Variants in UST observed in about 807,000 individuals in gnomAD.
The protein encoded by UST is chondroitin sulfate 2-O-sulfotransferase.
Under a neutral mutation model 45.6 loss-of-function variants are expected in UST, and 21 were observed. That is an observed-to-expected ratio of 0.46 (90% confidence interval 0.33 to 0.66). The LOEUF is 0.66. Ranked by LOEUF, UST falls within the 30% of genes least tolerant of loss-of-function variation. The probability of loss-of-function intolerance (pLI) is 0.02; values close to 1 mark genes in which losing one functional copy is unlikely to be tolerated. For missense variants in UST, 463 were observed against 512.4 expected (o/e 0.90, Z 0.93); for synonymous variants, 215 against 200.6 (o/e 1.07, Z -0.61).
chr6:148,862,642 T>C (rs923596524), intron 1 of UST, among the ~76,000 whole-genome samples: 15 of 152,358 alleles, frequency 9.8e-5, no homozygotes, highest in African/African-American at 3.6e-4. Context: ...GTACTGGTTG[T>C]TCCTTTCCAT....
chr6:148,936,524 G>A (rs887076882), intron 2 of UST, among the ~76,000 whole-genome samples: 7 of 144,390 alleles, frequency 4.8e-5, no homozygotes, highest in Admixed American at 1.4e-4. Context: ...GGGTTTACAT[G>A]TCACAGAACC....
intron 1 of UST, among the ~76,000 whole-genome samples, chr6:148,860,887 AT>A (rs1778299942): frequency 6.6e-6 from 1 of 152,130 alleles, no homozygotes; most frequent in South Asian, 2.1e-4. Context: ...GTGCTGTTGG[AT>A]TTGGTTTGCC....
At chr6:148,944,580 A>G (rs570977476) in intron 3 of UST, among the ~76,000 whole-genome samples, 19 of 152,092 alleles carry the variant, frequency 1.2e-4, no homozygotes, top group African/African-American at 4.6e-4. Flanking sequence ...TAAATGGAAC[A>G]AGACACTGAA....
At position 148,953,946 on chromosome 6, in the gene UST, C is replaced by T; in HGVS notation, c.522C>T (p.Phe174=). Residue 174 remains phenylalanine (F), a synonymous_variant, in exon 4 of 8, where the codon TTC becomes TTT. Transcript: ENST00000367463. The stretch of plus-strand genomic sequence containing the variant: ...CTCGACATGTTCATTTCCTCAACTT[C>T]TCAAGGTAAGACATTTTCCAGTTTA... ...LFTRHVHFLN[F]SRFGGDQPVY... is the part of the protein sequence containing the mutation. 1 of 1,604,784 alleles carries T rather than the reference C, an allele frequency of 6.2e-7. No homozygotes were observed. The highest frequency in any genetic ancestry group is 8.5e-7 in the Non-Finnish European group (1 of 1,175,510).
At chr6:149,032,070 T>C (rs1305353884) in intron 7 of UST, among the ~76,000 whole-genome samples, 1 of 152,144 alleles carries the variant, frequency 6.6e-6, no homozygotes, top group Non-Finnish European at 1.5e-5. Flanking sequence ...CCAGGCTCAC[T>C]CACCCTGCCT....
At chr6:149,046,776 C>T (rs1776403652) in intron 7 of UST, among the ~76,000 whole-genome samples, 1 of 152,216 alleles carries the variant, frequency 6.6e-6, no homozygotes, top group Non-Finnish European at 1.5e-5. Flanking sequence ...TTCAAGTGCT[C>T]AACTTAGTCA....
intron 1 of UST, among the ~76,000 whole-genome samples, chr6:148,749,205 C>A (rs1414370840): frequency 6.6e-6 from 1 of 152,186 alleles, no homozygotes; most frequent in Non-Finnish European, 1.5e-5. Context: ...GGGAATCAAA[C>A]CTCTTCTTTT....
chr6:148,832,926 A>G (rs750977362), intron 1 of UST, among the ~76,000 whole-genome samples: 10 of 152,230 alleles, frequency 6.6e-5, no homozygotes, highest in Non-Finnish European at 1.2e-4. Flanking sequence ...TCTTTGTCAT[A>G]ACTGTCAGAA....
intron 1 of UST, among the ~76,000 whole-genome samples, chr6:148,820,149 G>A (rs907903366): frequency 2.6e-5 from 4 of 152,082 alleles, no homozygotes; most frequent in Admixed American, 6.6e-5. Context: ...TGAGGATATC[G>A]ACATACTAAA....
chr6:149,035,011 T>C (rs751071773), intron 7 of UST, among the ~76,000 whole-genome samples: 1 of 152,160 alleles, frequency 6.6e-6, no homozygotes, highest in Non-Finnish European at 1.5e-5. Flanking sequence ...TTCTGGGAAT[T>C]CTTAACATTT....
intron 7 of UST, among the ~76,000 whole-genome samples, chr6:149,048,657 T>C (rs1776429123): frequency 6.6e-6 from 1 of 152,202 alleles, no homozygotes; most frequent in Non-Finnish European, 1.5e-5. Context: ...CATATGATTA[T>C]ATTTTACCAA....
At chr6:149,039,712 C>T (rs1026653916) in intron 7 of UST, among the ~76,000 whole-genome samples, 6 of 152,134 alleles carry the variant, frequency 3.9e-5, no homozygotes, top group Admixed American at 6.5e-5. Context: ...AAAAAAAGGA[C>T]GACAGTGAGA....
chr6:148,848,226 T>C (rs1778034336), intron 1 of UST, among the ~76,000 whole-genome samples: 1 of 152,222 alleles, frequency 6.6e-6, no homozygotes, highest in South Asian at 2.1e-4. Flanking sequence ...ACACTTAGCT[T>C]TGGTGAGTTT....
rs577687389 is a variant in UST, at chr6:148,931,645, A to G, written c.292-9634A>G. Among the ~76,000 whole-genome samples the G allele has an allele frequency of 2.0e-5, 3 of 152,366 alleles. No homozygotes were observed. In the South Asian group the frequency reaches 6.2e-4, roughly 32 times the overall value. On this transcript the variant is annotated intron_variant, in intron 2 of 7. Transcript: ENST00000367463. ...CGACTGAATACATAGCATGTAAGAAAGTGTTAGAAATGGCTACAAGTCTGA... is the reference window on the plus strand; with the variant it reads ...CGACTGAATACATAGCATGTAAGAAGGTGTTAGAAATGGCTACAAGTCTGA...
At chr6:148,956,819 T>C (rs1780520952) in intron 4 of UST, among the ~76,000 whole-genome samples, 1 of 152,224 alleles carries the variant, frequency 6.6e-6, no homozygotes, top group Non-Finnish European at 1.5e-5. Context: ...CATTAAATGT[T>C]TTCCTTGCCT....
Position 148,964,500 on chromosome 6 carries a change from C to G in UST, c.618C>G (p.Asp206Glu). The G allele has an allele frequency of 6.2e-7, 1 of 1,614,178 alleles. No homozygotes were observed. The change falls in exon 5 of 8, where the codon GAC becomes GAG. Residue 206 changes from aspartate to glutamate, a missense_variant. Transcript: ENST00000367463. ...LSNYFFRRFG[D>E]WRGEQNHMIR... is the part of the protein sequence containing the mutation. ...ACTATTTTTTCCGTCGCTTTGGAGACTGGAGAGGGGAACAAAATCACATGA... is the reference window on the plus strand; with the variant it reads ...ACTATTTTTTCCGTCGCTTTGGAGAGTGGAGAGGGGAACAAAATCACATGA...
intron 1 of UST, among the ~76,000 whole-genome samples, chr6:148,815,323 T>G (rs962744014): frequency 2.0e-5 from 3 of 152,240 alleles, no homozygotes; most frequent in African/African-American, 7.2e-5. Flanking sequence ...ATGGAAGGGA[T>G]GCTGTTCACT....
intron 5 of UST, among the ~76,000 whole-genome samples, chr6:149,010,432 T>A (rs1775787270): frequency 1.3e-5 from 2 of 152,146 alleles, no homozygotes; most frequent in South Asian, 4.1e-4. Context: ...GCAGGGATAT[T>A]TCTGGGGGAG....
At chr6:148,757,157 C>T (rs1417772766) in intron 1 of UST, among the ~76,000 whole-genome samples, 1 of 152,234 alleles carries the variant, frequency 6.6e-6, no homozygotes, top group Non-Finnish European at 1.5e-5. Context: ...GCCATCATAC[C>T]TGGTAACACA....
Sources: gnomAD v4.1 joint callset for allele counts (sites outside exome capture counted in the v4.1 genomes callset) on GRCh38, gnomAD v4.1.1 for gene constraint, MANE v1.5 for transcripts, NCBI Gene and HGNC (gene_info 2026-07-23, HGNC 2026-07-21) for gene names.